LGALS2: variants seen among roughly 807,000 people sequenced by gnomAD.
LGALS2 encodes galectin-2.
Under a neutral mutation model 10.1 loss-of-function variants are expected in LGALS2, and 7 were observed. The ratio of observed to expected loss-of-function variants is 0.70; its 90% CI spans 0.40 to 1.31. LGALS2 has a LOEUF of 1.31. LGALS2 is among the 50% of genes most tolerant of loss of function. The probability of loss-of-function intolerance (pLI) is 0.01; values close to 1 mark genes in which losing one functional copy is unlikely to be tolerated. For missense variants in LGALS2, 167 were observed against 163.6 expected (o/e 1.02, Z -0.11); for synonymous variants, 86 against 64.2 (o/e 1.34, Z -1.63).
In LGALS2 at chr22:37,570,260, C is replaced by A; in HGVS notation, c.*3G>T. On this transcript the variant is annotated 3_prime_UTR_variant, in exon 4 of 4. Coordinates refer to ENST00000215886, the MANE Select transcript of LGALS2 (RefSeq NM_006498.3). The stretch of plus-strand genomic sequence containing the variant: ...AGGACAGAGAATCTCGGCTGGAAGT[C>A]TTTTATTCTTTTAACTTGAAAGAGG... 2 of 1,601,100 alleles carry A rather than the reference C, an allele frequency of 1.2e-6. No individual in the cohort carries two copies. Among genetic ancestry groups the A allele is most frequent in the South Asian group, 1.1e-5 (1 of 90,652 alleles).
chr22:37,571,130 A>C (rs947144749), intron 2 of LGALS2, among the ~76,000 whole-genome samples: 4 of 152,126 alleles, frequency 2.6e-5, no homozygotes, highest in African/African-American at 7.2e-5. Flanking sequence ...TCACTACAGG[A>C]GCCTGGGCTA....
rs921322677 is a variant in LGALS2, at chr22:37,580,085, C to G, written c.-180G>C. 14 of 502,606 alleles carry G rather than the reference C, an allele frequency of 2.8e-5. No homozygotes were observed. Among genetic ancestry groups the G allele is most frequent in the Non-Finnish European group, 4.6e-5 (13 of 282,576 alleles). The allele number at this position is 502,606 out of a possible 1,614,324, so 31.1% of individuals were successfully genotyped here. ...TGCATCTCCCAGTACCCAGCACAAA[C>G]AGGCAGAAGACTCCTCAGCCAGCTC... On this transcript the variant is annotated 5_prime_UTR_variant, in exon 1 of 4. Transcript: ENST00000215886.
At chr22:37,579,143 G>T (rs1925772540) in intron 1 of LGALS2, among the ~76,000 whole-genome samples, 2 of 149,768 alleles carry the variant, frequency 1.3e-5, no homozygotes, top group African/African-American at 4.9e-5. Flanking sequence ...AGCTACTTGG[G>T]AGGCTGAGAC....
chr22:37,576,344 C>T (rs909437711), intron 1 of LGALS2, among the ~76,000 whole-genome samples: 5 of 150,546 alleles, frequency 3.3e-5, no homozygotes, highest in Non-Finnish European at 7.4e-5. Flanking sequence ...CCCAGCTACT[C>T]GGGAGGCTGA....
chr22:37,573,245 T>C (rs529399116), intron 1 of LGALS2, among the ~76,000 whole-genome samples: 1 of 152,292 alleles, frequency 6.6e-6, no homozygotes, highest in South Asian at 2.1e-4. Flanking sequence ...CACTCCAGCC[T>C]AGGCAACAGA....
chr22:37,571,712 G>A, intron 2 of LGALS2, 137 bp downstream of exon 2: 2 of 680,546 alleles, frequency 2.9e-6, no homozygotes, highest in African/African-American at 1.8e-5. Context: ...GCAGGGGTGT[G>A]GGGAGAAGGG....
intron 1 of LGALS2, among the ~76,000 whole-genome samples, chr22:37,572,538 C>G (rs897717179): frequency 6.6e-6 from 1 of 151,910 alleles, no homozygotes; most frequent in Non-Finnish European, 1.5e-5. Flanking sequence ...GAGGCCGAGG[C>G]GGGCGGATCA....
intron 1 of LGALS2, among the ~76,000 whole-genome samples, chr22:37,575,827 G>A (rs144649008): frequency 2.9e-4 from 44 of 152,306 alleles, no homozygotes; most frequent in African/African-American, 8.7e-4. Flanking sequence ...CCATGACGGC[G>A]GCATGTCAGA....
chr22:37,578,175 G>A (rs1925742439), intron 1 of LGALS2, among the ~76,000 whole-genome samples: 1 of 152,230 alleles, frequency 6.6e-6, no homozygotes, highest in Non-Finnish European at 1.5e-5. Context: ...GTAAAGCTGT[G>A]GCAGAGTCTG....
chr22:37,576,671 G>A (rs1013221270), intron 1 of LGALS2, among the ~76,000 whole-genome samples: 1 of 152,146 alleles, frequency 6.6e-6, no homozygotes, highest in Non-Finnish European at 1.5e-5. Context: ...CCAGCAGCCT[G>A]TGCCCACACC....
At position 37,580,051 on chromosome 22, in the gene LGALS2, C is replaced by G; in HGVS notation, c.-146G>C. On this transcript the variant is annotated 5_prime_UTR_variant, in exon 1 of 4. Coordinates refer to ENST00000215886, the MANE Select transcript of LGALS2 (RefSeq NM_006498.3). ...GGACTTTGCCCCTTCTACCTTGTGT[C>G]TCCCCGCCTGCATCTCCCAGTACCC... is the stretch of plus-strand genomic sequence containing the variant. 6.0e-6 allele frequency: 4 copies of G among 670,264 alleles called. No individual in the cohort carries two copies. Among genetic ancestry groups the G allele is most frequent in the Non-Finnish European group, 9.9e-6 (4 of 405,090 alleles). 41.5% of individuals were successfully genotyped at this position (670,264 alleles called of 1,614,324 possible). A position where few individuals can be genotyped will look rare whatever the true frequency, so the allele number is the denominator to read the frequency against.
In LGALS2 at chr22:37,573,693, A is replaced by G. The variant is rs79080276; in HGVS notation, c.7-1762T>C. On this transcript the variant is annotated intron_variant, in intron 1 of 3. Coordinates refer to ENST00000215886, the MANE Select transcript of LGALS2 (RefSeq NM_006498.3). ...TAGACCAACAGCAAATCACAGGACC[A>G]CCATCATTTATTGTTTTACTTTCCT... Among the ~76,000 whole-genome samples, 926 of 151,578 alleles carry G rather than the reference A, an allele frequency of 6.1e-3. 4 individuals carry two copies. Among genetic ancestry groups the G allele is most frequent in the African/African-American group, 0.021 (888 of 41,340 alleles).
rs1452117716 is a variant in LGALS2, at chr22:37,574,480, G to A, written c.7-2549C>T. On this transcript the variant is annotated intron_variant, in intron 1 of 3. Coordinates refer to ENST00000215886, the MANE Select transcript of LGALS2 (RefSeq NM_006498.3). ...GCAGTGAGCCGAGATTGTGCCAGGC[G>A]ACAGAGCAAGACTCTGTCTAAAAAA... is the stretch of plus-strand genomic sequence containing the variant. Among the ~76,000 whole-genome samples the A allele has an allele frequency of 2.8e-5, 4 of 141,440 alleles. 1 individual carries two copies. The highest frequency in any genetic ancestry group is 4.6e-4 in the South Asian group (2 of 4,364). 92.8% of individuals were successfully genotyped at this position (141,440 alleles called of 152,430 possible).
Position 37,571,911 on chromosome 22 carries a change from G to A in LGALS2, c.27C>T (p.Asn9=). 2 of 1,614,118 alleles carry A rather than the reference G, an allele frequency of 1.2e-6. No homozygotes were observed. The highest frequency in any genetic ancestry group is 1.7e-6 in the Non-Finnish European group (2 of 1,179,966). Residue 9 remains asparagine, a synonymous_variant, in exon 2 of 4, where the codon AAC becomes AAT. Transcript: ENST00000215886. MTGELEVK[N]MDMKPGSTLK... ...GGGTTGACCCCGGCTTCATGTCCAT[G>A]TTCTTAACCTCAAGTTCCCCCTGGG...
intron 1 of LGALS2, among the ~76,000 whole-genome samples, chr22:37,573,988 A>T (rs1925584358): frequency 6.6e-6 from 1 of 151,912 alleles, no homozygotes; most frequent in Admixed American, 6.6e-5. Flanking sequence ...CAGCTCCCCA[A>T]AGTGCTGGGA....
intron 2 of LGALS2, among the ~76,000 whole-genome samples, chr22:37,571,508 G>C (rs73418190): frequency 0.033 from 4,988 of 152,244 alleles, 263 homozygotes; most frequent in African/African-American, 0.11. Context: ...CATTCTGCTG[G>C]GTAAAGAGGG....
intron 1 of LGALS2, among the ~76,000 whole-genome samples, chr22:37,577,372 T>C (rs1925717752): frequency 6.9e-6 from 1 of 145,244 alleles, no homozygotes; most frequent in Non-Finnish European, 1.5e-5. Flanking sequence ...TTTTTTGAGA[T>C]GAAGTCTCAC....
At chr22:37,574,361 C>G (rs756002102) in intron 1 of LGALS2, among the ~76,000 whole-genome samples, 11 of 151,974 alleles carry the variant, frequency 7.2e-5, no homozygotes, top group Non-Finnish European at 1.6e-4. Context: ...ATTAAAAATA[C>G]AAAAATTAGC....
chr22:37,570,851 A>T, intron 2 of LGALS2, 116 bp from the exon 3 acceptor site: 2 of 1,166,990 alleles, frequency 1.7e-6, no homozygotes, highest in Non-Finnish European at 2.5e-6. Context: ...GTTAGTTGAG[A>T]TCTGTGCCTT....
Sources: gnomAD v4.1 joint callset for allele counts (sites outside exome capture counted in the v4.1 genomes callset) on GRCh38, gnomAD v4.1.1 for gene constraint, MANE v1.5 for transcripts, NCBI Gene and HGNC (gene_info 2026-07-23, HGNC 2026-07-21) for gene names.